Variants in MTCL1 observed in about 807,000 individuals in gnomAD.
The protein encoded by MTCL1 is microtubule cross-linking factor 1.
In MTCL1, 79 loss-of-function variants were observed where a neutral mutation model predicts 141.4. That is an observed-to-expected ratio of 0.56 (90% confidence interval 0.47 to 0.67). The LOEUF is 0.67. MTCL1 is among the 30% of genes least tolerant of loss of function. The pLI is 0.00. For missense variants in MTCL1, 2,177 were observed against 2,113.9 expected (o/e 1.03, Z -0.59); for synonymous variants, 914 against 875.8 (o/e 1.04, Z -0.77).
intron 4 of MTCL1, among the ~76,000 whole-genome samples, chr18:8,771,519 G>A (rs190182523): frequency 2.0e-5 from 3 of 152,092 alleles, no homozygotes; most frequent in Non-Finnish European, 2.9e-5. Flanking sequence ...ATTTTTATTT[G>A]TCTCCTTTTA....
At chr18:8,796,205 C>A in intron 8 of MTCL1, 27 bp from the exon 8 acceptor site, 1 of 1,610,246 alleles carries the variant, frequency 6.2e-7, no homozygotes, top group South Asian at 1.1e-5. Context: ...AGCTGCTTGT[C>A]ACACTGTCTC....
intron 8 of MTCL1, among the ~76,000 whole-genome samples, chr18:8,795,007 G>A (rs550385435): frequency 2.6e-5 from 4 of 152,322 alleles, no homozygotes; most frequent in East Asian, 1.9e-4. Context: ...TGTCTGGTAC[G>A]CTAGGCTGCC....
chr18:8,803,977 T>C (rs1598739439), intron 10 of MTCL1, among the ~76,000 whole-genome samples: 2 of 152,344 alleles, frequency 1.3e-5, no homozygotes, highest in African/African-American at 4.8e-5. Flanking sequence ...ATCGATTACA[T>C]ATAAGAATGT....
At position 8,767,550 on chromosome 18, in the gene MTCL1, C is replaced by T. The variant is rs191196591; in HGVS notation, c.358-10283C>T. Reference sequence around the variant, plus strand: ...TGCACAAAGATGTATTTGATGATCCCCAGTGGCACAGAGCTAATCCTGCCT... The same window carrying T: ...TGCACAAAGATGTATTTGATGATCCTCAGTGGCACAGAGCTAATCCTGCCT... On this transcript the variant is annotated intron_variant, in intron 4 of 16. Coordinates refer to ENST00000359865, the Ensembl canonical transcript of MTCL1. 2.6e-3 allele frequency among the ~76,000 whole-genome samples: 400 copies of T among 152,212 alleles called. 6 individuals carry two copies. Among genetic ancestry groups the T allele is most frequent in the Admixed American group, 2.3e-3 (35 of 15,302 alleles).
intron 4 of MTCL1, among the ~76,000 whole-genome samples, chr18:8,762,230 A>G (rs984184515): frequency 1.2e-4 from 19 of 152,234 alleles, no homozygotes; most frequent in African/African-American, 4.3e-4. Context: ...AGAAGTTTCA[A>G]GGACACCTCG....
Position 8,828,897 on chromosome 18 carries a change from G to C in MTCL1, c.4723-11G>C. 1 of 1,614,174 alleles carries C rather than the reference G, an allele frequency of 6.2e-7. No homozygotes were observed. The highest frequency in any genetic ancestry group is 2.2e-5 in the East Asian group (1 of 44,886). On this transcript the variant is annotated splice_polypyrimidine_tract_variant and intron_variant, in intron 15 of 16. Transcript: ENST00000359865. The surrounding 1 kb of genome is among the most constrained non-coding windows in gnomAD (Gnocchi z 5.2). ...TTGCTTTTCTTTTCTTTCTCTGTCTGTTCTGTCCAGAACCAAACTGTCTTG... is the reference window on the plus strand; with the variant it reads ...TTGCTTTTCTTTTCTTTCTCTGTCTCTTCTGTCCAGAACCAAACTGTCTTG...
rs1253009023 is a variant in MTCL1 at position 8,822,965 on chromosome 18, A to G, written c.3188+1467A>G. ...ACCGAACCCGGGAGGCGGAGGTTGC[A>G]GTGAACCGAGATTGCGCCACTGCAC... On this transcript the variant is annotated intron_variant, in intron 14 of 16. Coordinates refer to ENST00000359865, the Ensembl canonical transcript of MTCL1. The surrounding 1 kb of genome is among the most constrained non-coding windows in gnomAD (Gnocchi z 4.6). Among the ~76,000 whole-genome samples, 4 of 151,996 alleles carry G rather than the reference A, an allele frequency of 2.6e-5. No homozygotes were observed. The highest frequency in any genetic ancestry group is 6.6e-5 in the Admixed American group (1 of 15,246).
intron 4 of MTCL1, among the ~76,000 whole-genome samples, chr18:8,763,122 C>A (rs1022383495): frequency 1.3e-5 from 2 of 152,212 alleles, no homozygotes; most frequent in Non-Finnish European, 2.9e-5. Context: ...ATAACATGTC[C>A]CATGTCTGTC....
intron 10 of MTCL1, among the ~76,000 whole-genome samples, chr18:8,805,452 G>A (rs574409679): frequency 1.3e-5 from 2 of 152,228 alleles, no homozygotes; most frequent in African/African-American, 4.8e-5. Flanking sequence ...TCTTTTTTGT[G>A]GCTGCACAAT....
chr18:8,782,614 T>G (rs1300059694), intron 5 of MTCL1: 1 of 152,198 alleles, frequency 6.6e-6, no homozygotes, highest in Non-Finnish European at 1.5e-5. Flanking sequence ...ATGAGGACAC[T>G]TCTTAGGTTT....
At chr18:8,706,020 G>A (rs1457466807) in exon 1 of MTCL1, 15 of 1,172,446 alleles carry the variant, frequency 1.3e-5, no homozygotes, top group African/African-American at 1.6e-5. Flanking sequence ...CCAGAGCGGC[G>A]GGCGGTGCCA....
chr18:8,713,299 G>T (rs2096105965), upstream of MTCL1, among the ~76,000 whole-genome samples: 1 of 152,208 alleles, frequency 6.6e-6, no homozygotes. Context: ...GTATCCTCCA[G>T]ACTTGATGTT....
chr18:8,783,167 AG>A (rs2096538354), intron 5 of MTCL1, among the ~76,000 whole-genome samples: 1 of 152,026 alleles, frequency 6.6e-6, no homozygotes, highest in South Asian at 2.1e-4. Context: ...GGATCCAGAG[AG>A]CAAGGAGGGG....
chr18:8,709,975 G>T (rs963439214), intron 1 of MTCL1, among the ~76,000 whole-genome samples: 1 of 152,100 alleles, frequency 6.6e-6, no homozygotes, highest in Non-Finnish European at 1.5e-5. Context: ...GAGTAGCTGG[G>T]ATTACAAGTG....
chr18:8,717,978 A>G lies in MTCL1; in HGVS notation c.-28+16A>G, dbSNP rs964282325. 1.3e-5 allele frequency: 13 copies of G among 1,010,042 alleles called. No homozygotes were observed. The African/African-American group carries it at 1.9e-4, about 15-fold the overall frequency. The allele number at this position is 1,010,042 out of a possible 1,614,324, so 62.6% of individuals were successfully genotyped here. A position where few individuals can be genotyped will look rare whatever the true frequency, so the allele number is the denominator to read the frequency against. On this transcript the variant is annotated intron_variant, in intron 2 of 16. Coordinates refer to ENST00000359865, the Ensembl canonical transcript of MTCL1. ...ACATTTGCAGGTATGTTTTAGTTCC[A>G]GGGCAATTAGCACTTGTTATCCTAC...
intron 7 of MTCL1, 62 bp from the exon 7 acceptor site, chr18:8,792,935 GC>G: frequency 6.3e-7 from 1 of 1,596,484 alleles, no homozygotes. Context: ...TGTCTGTCCT[GC>G]GTCGTCACCT....
intron 4 of MTCL1, among the ~76,000 whole-genome samples, chr18:8,726,390 C>T (rs996428765): frequency 6.9e-6 from 1 of 145,884 alleles, no homozygotes; most frequent in Admixed American, 7.0e-5. Context: ...TGGTTCCTGG[C>T]GAGAGCCCTC....
intron 8 of MTCL1, among the ~76,000 whole-genome samples, chr18:8,794,351 A>G (rs1439681385): frequency 1.3e-5 from 2 of 152,192 alleles, no homozygotes; most frequent in African/African-American, 2.4e-5. Context: ...GGGAAGGGAA[A>G]GTGTCCCCCA....
At chr18:8,762,586 C>T (rs944495589) in intron 4 of MTCL1, among the ~76,000 whole-genome samples, 11 of 152,206 alleles carry the variant, frequency 7.2e-5, no homozygotes, top group Non-Finnish European at 1.3e-4. Flanking sequence ...CAGTTTCCTA[C>T]GTGGAGTGAG....
Sources: gnomAD v4.1 joint callset for allele counts (sites outside exome capture counted in the v4.1 genomes callset) on GRCh38, gnomAD v4.1.1 for gene constraint, Gnocchi (gnomAD v3.1) non-coding constraint, MANE v1.5 for transcripts, NCBI Gene and HGNC (gene_info 2026-07-23, HGNC 2026-07-21) for gene names.